Variants in PPP1R1C observed in about 807,000 individuals in gnomAD.
The protein encoded by PPP1R1C is protein phosphatase 1 regulatory subunit 1C.
PPP1R1C carries 15 observed loss-of-function variants against 17.4 expected under a neutral mutation model. The ratio of observed to expected loss-of-function variants is 0.86; its 90% CI spans 0.58 to 1.33. The LOEUF (loss-of-function observed/expected upper bound fraction) is 1.33. Ranked by LOEUF, PPP1R1C falls within the 40% of genes most tolerant of loss-of-function variation. The pLI, the probability that PPP1R1C is intolerant of heterozygous loss-of-function variation, is 0.00. For synonymous variants in PPP1R1C, 35 were observed against 43.1 expected (o/e 0.81, Z 0.73); for missense variants, 143 against 130.0 (o/e 1.10, Z -0.48).
chr2:181,963,291 T>C (rs942063024), intron 1 of PPP1R1C, among the ~76,000 whole-genome samples: 12 of 152,176 alleles, frequency 7.9e-5, no homozygotes, highest in Non-Finnish European at 1.3e-4. Context: ...GAAAAAACAC[T>C]ATCCACATTT....
chr2:182,035,760 C>A (rs566219632), intron 2 of PPP1R1C, among the ~76,000 whole-genome samples: 1 of 152,156 alleles, frequency 6.6e-6, no homozygotes, highest in African/African-American at 2.4e-5. Flanking sequence ...GCCATGCCTC[C>A]TGTGCAGCCT....
chr2:182,063,687 T>G, intron 3 of PPP1R1C, 44 bp from the exon 4 acceptor site: 1 of 1,489,086 alleles, frequency 6.7e-7, no homozygotes, highest in Non-Finnish European at 9.4e-7. Context: ...CATCGTACTT[T>G]GTATCCAAAT....
At chr2:181,991,467 G>T (rs1685471205) in intron 2 of PPP1R1C, among the ~76,000 whole-genome samples, 1 of 152,142 alleles carries the variant, frequency 6.6e-6, no homozygotes, top group Non-Finnish European at 1.5e-5. Context: ...AAAATAGTGG[G>T]AGATGAAACT....
intron 2 of PPP1R1C, among the ~76,000 whole-genome samples, chr2:182,011,126 T>G (rs1353901725): frequency 5.3e-5 from 8 of 152,132 alleles, no homozygotes. Context: ...ATGGTCCTTC[T>G]GGCCTCATAG....
intron 2 of PPP1R1C, among the ~76,000 whole-genome samples, chr2:182,006,861 C>T (rs75332549): frequency 2.2e-3 from 329 of 152,214 alleles, no homozygotes; most frequent in African/African-American, 7.7e-3. Context: ...GGTTAATCTG[C>T]CTTCTTATTG....
intron 2 of PPP1R1C, among the ~76,000 whole-genome samples, chr2:182,051,310 T>A (rs1574411936): frequency 6.6e-6 from 1 of 152,184 alleles, no homozygotes; most frequent in East Asian, 1.9e-4. Context: ...CACTCTCTTG[T>A]TACAGATTAA....
intron 4 of PPP1R1C, among the ~76,000 whole-genome samples, chr2:182,085,326 TG>T: frequency 6.6e-6 from 1 of 152,222 alleles, no homozygotes; most frequent in East Asian, 1.9e-4. Flanking sequence ...TATTTTACTT[TG>T]CAAGTTTTCC....
downstream of PPP1R1C, chr2:182,130,404 CAT>C (rs1269821563): frequency 6.6e-6 from 1 of 152,124 alleles, no homozygotes; most frequent in Non-Finnish European, 1.5e-5. Flanking sequence ...CCAAAGACAA[CAT>C]TCTACCTGCT....
intron 2 of PPP1R1C, among the ~76,000 whole-genome samples, chr2:182,012,234 T>A (rs191395009): frequency 5.9e-5 from 9 of 152,194 alleles, no homozygotes; most frequent in Middle Eastern, 3.4e-3. Context: ...ATTATTGTAT[T>A]GTGATTTATA....
intron 4 of PPP1R1C, among the ~76,000 whole-genome samples, chr2:182,092,392 G>A (rs905524589): frequency 6.6e-6 from 1 of 152,152 alleles, no homozygotes; most frequent in African/African-American, 2.4e-5. Context: ...TACAAGATGA[G>A]ATTTGGGTGG....
At chr2:182,054,440 C>T (rs993991525) in intron 2 of PPP1R1C, among the ~76,000 whole-genome samples, 8 of 152,098 alleles carry the variant, frequency 5.3e-5, no homozygotes, top group African/African-American at 1.7e-4. Context: ...TATTTATACT[C>T]ACTCCTTCCT....
chr2:182,005,452 A>G (rs1685890316), intron 2 of PPP1R1C, among the ~76,000 whole-genome samples: 1 of 152,324 alleles, frequency 6.6e-6, no homozygotes, highest in Admixed American at 6.5e-5. Flanking sequence ...GTCTAATGGG[A>G]GCAACATTTT....
chr2:181,995,994 G>A (rs1223397536), intron 2 of PPP1R1C, among the ~76,000 whole-genome samples: 1 of 152,142 alleles, frequency 6.6e-6, no homozygotes, highest in Non-Finnish European at 1.5e-5. Context: ...GGTGGGGACT[G>A]TAGTCTACTT....
chr2:182,117,843 A>G (rs958399389), downstream of PPP1R1C: 2 of 152,188 alleles, frequency 1.3e-5, no homozygotes, highest in African/African-American at 2.4e-5. Flanking sequence ...TCTTGATTCA[A>G]TACACCACAA....
intron 2 of PPP1R1C, among the ~76,000 whole-genome samples, chr2:181,991,762 TG>T (rs1449601789): frequency 6.6e-6 from 1 of 152,236 alleles, no homozygotes; most frequent in African/African-American, 2.4e-5. Context: ...GGCCTCTTTA[TG>T]ATAAGCTCTC....
intron 2 of PPP1R1C, among the ~76,000 whole-genome samples, chr2:182,003,472 A>T (rs1315654957): frequency 6.6e-6 from 1 of 152,158 alleles, no homozygotes. Flanking sequence ...TTTTTAAGAT[A>T]CTCAGATTCC....
chr2:182,005,253 A>T (rs1341261082), intron 2 of PPP1R1C, among the ~76,000 whole-genome samples: 1 of 152,226 alleles, frequency 6.6e-6, no homozygotes, highest in South Asian at 2.1e-4. Flanking sequence ...CATGTACATC[A>T]TTAGCTAAGC....
At chr2:182,069,822 T>C (rs1345001039) in intron 4 of PPP1R1C, among the ~76,000 whole-genome samples, 1 of 152,226 alleles carries the variant, frequency 6.6e-6, no homozygotes, top group East Asian at 1.9e-4. Flanking sequence ...AAAGATAAAC[T>C]TTTGCATTGG....
chr2:181,995,695 A>G (rs1153741), intron 2 of PPP1R1C, among the ~76,000 whole-genome samples: 47,817 of 151,916 alleles, frequency 0.31, 8,083 homozygotes, highest in Admixed American at 0.46. Context: ...ACCTCTAACA[A>G]TAAATCTAGC....
Sources: gnomAD v4.1 joint callset for allele counts (sites outside exome capture counted in the v4.1 genomes callset) on GRCh38, gnomAD v4.1.1 for gene constraint, MANE v1.5 for transcripts, NCBI Gene and HGNC (gene_info 2026-07-23, HGNC 2026-07-21) for gene names.